The following NEXMIF variants were observed in gnomAD, a reference collection of about 807,000 sequenced individuals.
The protein encoded by NEXMIF is neurite extension and migration factor, also known as XLMR protein related to neurite extension.
In NEXMIF, 8 loss-of-function variants were observed where a neutral mutation model predicts 62.1. The observed-to-expected ratio is 0.13, with a 90% CI of 0.08 to 0.23. NEXMIF has a LOEUF of 0.23. Ranked by LOEUF, NEXMIF falls within the 10% of genes least tolerant of loss-of-function variation. NEXMIF has a pLI of 1.00. For missense variants in NEXMIF, 976 were observed against 1,113.3 expected (o/e 0.88, Z 1.75); for synonymous variants, 404 against 416.6 (o/e 0.97, Z 0.37).
In NEXMIF at chrX:74,765,311, G is replaced by A. The variant is rs184269823; in HGVS notation, c.-47-19614C>T. On this transcript the variant is annotated intron_variant, in intron 1 of 3. Coordinates refer to ENST00000055682, the MANE Select transcript of NEXMIF (RefSeq NM_001008537.3). Reference sequence around the variant, plus strand: ...TCCTTCATCCCTTTGTTTTGAGACTGTAGGTGTCACTGTATGTAAGTTGGG... The same window carrying A: ...TCCTTCATCCCTTTGTTTTGAGACTATAGGTGTCACTGTATGTAAGTTGGG... Among the ~76,000 whole-genome samples, 432 of 111,853 alleles carry A rather than the reference G, an allele frequency of 3.9e-3. 2 individuals are homozygous for A. The highest frequency in any genetic ancestry group is 0.014 in the Middle Eastern group (3 of 217).
Position 74,745,596 on chromosome X carries a change from G to C in NEXMIF, c.55C>G (p.Leu19Val), listed in dbSNP as rs1182566395. The C allele has an allele frequency of 2.3e-5, 28 of 1,195,933 alleles. No homozygotes were observed. The highest frequency in any genetic ancestry group is 3.1e-5 in the Non-Finnish European group (27 of 882,745). The change falls in exon 2 of 4, where the codon CTG becomes GTG. Residue 19 changes from leucine to valine, a missense_variant. By Grantham distance (32) the Leu-to-Val change is conservative (BLOSUM62 1). Transcript: ENST00000055682. ...CCATTTTCTTTGACCCCATTAATCA[G>C]AGTGTTTTCTCCGTTGGCTGAGGCA... ...IVASANGENT[L>V]INGVKENDSE...
intron 1 of NEXMIF, among the ~76,000 whole-genome samples, chrX:74,875,203 AG>A (rs1483183495): frequency 2.7e-5 from 3 of 110,770 alleles, no homozygotes; most frequent in African/African-American, 6.6e-5. Context: ...TTTAGCATGA[AG>A]GGTTGTTGAA....
intron 1 of NEXMIF, among the ~76,000 whole-genome samples, chrX:74,830,951 G>A (rs2080434482): frequency 1.8e-5 from 2 of 108,772 alleles, no homozygotes; most frequent in South Asian, 7.8e-4. Context: ...TAGTTTTTTG[G>A]TGGCATCGTT....
At chrX:74,767,167 C>T (rs2080197394) in intron 1 of NEXMIF, among the ~76,000 whole-genome samples, 1 of 112,335 alleles carries the variant, frequency 8.9e-6, no homozygotes, top group Admixed American at 9.4e-5. Flanking sequence ...TTGATAGGCC[C>T]AGCAGAGGGT....
intron 1 of NEXMIF, among the ~76,000 whole-genome samples, chrX:74,798,663 T>C (rs888040210): frequency 5.4e-5 from 6 of 111,893 alleles, no homozygotes; most frequent in Non-Finnish European, 7.5e-5. Context: ...GGCAATAGAG[T>C]ATAGGCCTTT....
intron 1 of NEXMIF, among the ~76,000 whole-genome samples, chrX:74,769,219 C>T (rs188661972): frequency 5.1e-4 from 56 of 110,560 alleles, no homozygotes; most frequent in Non-Finnish European, 9.5e-4. Flanking sequence ...CCCATCAAAA[C>T]AAAAACAAAA....
chrX:74,874,072 C>G (rs1859106105), intron 1 of NEXMIF, among the ~76,000 whole-genome samples: 1 of 108,581 alleles, frequency 9.2e-6, no homozygotes, highest in Admixed American at 1.0e-4. Context: ...TTGCCCATGC[C>G]TATGTCCTGA....
intron 1 of NEXMIF, among the ~76,000 whole-genome samples, chrX:74,814,340 A>G (rs1052790334): frequency 3.6e-5 from 4 of 111,961 alleles, no homozygotes; most frequent in African/African-American, 1.3e-4. Flanking sequence ...ATACATTAAC[A>G]GTGTCCCTGG....
Position 74,742,029 on chromosome X carries a change from C to T in NEXMIF, c.2528G>A (p.Gly843Asp), listed in dbSNP as rs2080106653. The stretch of plus-strand genomic sequence containing the variant: ...TGATTTTTCGGTTTGAGTGAGGCTG[C>T]CTTCATTTTGCTCTGGAGAATGGTG... ...FSHHSPEQNE[G>D]SLTQTEKSFV... The change falls in exon 3 of 4, where the codon GGC becomes GAC. Residue 843 changes from glycine to aspartate, a missense_variant. By Grantham distance (94) the Gly-to-Asp change is moderately conservative. Coordinates refer to ENST00000055682, the MANE Select transcript of NEXMIF (RefSeq NM_001008537.3). 2 of 1,211,742 alleles carry T rather than the reference C, an allele frequency of 1.7e-6. No homozygotes were observed. The highest frequency in any genetic ancestry group is 2.2e-6 in the Non-Finnish European group (2 of 895,454).
At chrX:74,800,923 T>C (rs2080327769) in intron 1 of NEXMIF, among the ~76,000 whole-genome samples, 1 of 111,380 alleles carries the variant, frequency 9.0e-6, no homozygotes, top group South Asian at 3.8e-4. Context: ...TACAGCATCA[T>C]ACAGAATAGT....
intron 1 of NEXMIF, among the ~76,000 whole-genome samples, chrX:74,807,476 T>G (rs1404235755): frequency 9.0e-6 from 1 of 110,707 alleles, no homozygotes; most frequent in African/African-American, 3.3e-5. Flanking sequence ...AGCCTTTTTT[T>G]TTTTGACATG....
chrX:74,891,394 A>C (rs1245446445), intron 1 of NEXMIF, among the ~76,000 whole-genome samples: 1 of 110,781 alleles, frequency 9.0e-6, no homozygotes, highest in Non-Finnish European at 1.9e-5. Flanking sequence ...AGCCTAAAGG[A>C]AACTAAAATG....
intron 1 of NEXMIF, among the ~76,000 whole-genome samples, chrX:74,776,454 G>T (rs750277779): frequency 9.0e-6 from 1 of 111,245 alleles, no homozygotes; most frequent in African/African-American, 3.3e-5. Flanking sequence ...GGCCGGGCGC[G>T]GTGGCTCACG....
chrX:74,816,391 A>T (rs890070521), intron 1 of NEXMIF, among the ~76,000 whole-genome samples: 20 of 112,039 alleles, frequency 1.8e-4, no homozygotes, highest in African/African-American at 6.1e-4. Flanking sequence ...TTAAGAATCT[A>T]AGGTAAGTCT....
intron 1 of NEXMIF, among the ~76,000 whole-genome samples, chrX:74,919,960 A>AT (rs941482990): frequency 1.4e-4 from 16 of 111,227 alleles, no homozygotes; most frequent in African/African-American, 5.2e-4. Flanking sequence ...TGAACTCATC[A>AT]TTTTTTATAG....
At chrX:74,885,786 T>G (rs1379836712) in intron 1 of NEXMIF, among the ~76,000 whole-genome samples, 15 of 111,744 alleles carry the variant, frequency 1.3e-4, no homozygotes, top group Middle Eastern at 9.3e-3. Context: ...GAATCCTCCC[T>G]AACTCATTTT....
intron 1 of NEXMIF, among the ~76,000 whole-genome samples, chrX:74,812,888 C>T (rs969700481): frequency 1.8e-5 from 2 of 111,716 alleles, no homozygotes; most frequent in Non-Finnish European, 3.8e-5. Context: ...AAGATCAGTG[C>T]AACTGCAGCC....
At chrX:74,808,389 G>C (rs1461109356) in intron 1 of NEXMIF, among the ~76,000 whole-genome samples, 1 of 111,718 alleles carries the variant, frequency 9.0e-6, no homozygotes, top group Admixed American at 9.5e-5. Context: ...GGGTGACAAA[G>C]TGAGTGAGAC....
In NEXMIF at chrX:74,805,930, G is replaced by A. The variant is rs367890624; in HGVS notation, c.-47-60233C>T. 2.6e-4 allele frequency among the ~76,000 whole-genome samples: 29 copies of A among 111,251 alleles called. 1 individual carries two copies. In the East Asian group the frequency reaches 2.8e-3, roughly 11 times the overall value. On this transcript the variant is annotated intron_variant, in intron 1 of 3. Coordinates refer to ENST00000055682, the MANE Select transcript of NEXMIF (RefSeq NM_001008537.3). ...AGTATAGTTTGAAGTTGGGTAAGGC[G>A]ATGCCTCTGGCTTTGCTCTTTTTGC...
Sources: allele counts gnomAD v4.1 joint callset (sites outside exome capture counted in the v4.1 genomes callset), GRCh38; gene constraint gnomAD v4.1.1; transcripts MANE v1.5; gene names NCBI Gene and HGNC (gene_info 2026-07-23, HGNC 2026-07-21).